Variants in SLC13A2 observed in about 807,000 individuals in gnomAD.
SLC13A2 encodes solute carrier family 13 member 2, also known as Na(+)-coupled citrate transporter.
Under a neutral mutation model 58.5 loss-of-function variants are expected in SLC13A2, and 40 were observed. That is an observed-to-expected ratio of 0.68 (90% CI 0.53 to 0.89). The LOEUF (loss-of-function observed/expected upper bound fraction) is 0.89, where lower values mean the gene tolerates loss of function less well. Ranked by LOEUF, SLC13A2 falls within the 40% of genes least tolerant of loss-of-function variation. SLC13A2 has a pLI of 0.00. For missense variants in SLC13A2, 694 were observed against 772.6 expected, an observed-to-expected ratio of 0.90 and a Z score of 1.21; for synonymous variants, 341 against 331.6, an observed-to-expected ratio of 1.03 and a Z score of -0.31.
rs1477894040 is a variant in SLC13A2 at position 28,497,489 on chromosome 17, C to T, written c.*220C>T. 2.3e-5 allele frequency: 13 copies of T among 569,706 alleles called. No homozygotes were observed. Among genetic ancestry groups the T allele is most frequent in the African/African-American group, 7.5e-5 (4 of 53,680 alleles). The allele number at this position is 569,706 out of a possible 1,614,324, so 35.3% of individuals were successfully genotyped here. The stretch of plus-strand genomic sequence containing the variant: ...GCATGTGTGTGTGCGCATATGTGTG[C>T]GCCTGCATGGATGTGAGGGGTGTGT... On this transcript the variant is annotated 3_prime_UTR_variant, in exon 12 of 12. Transcript: ENST00000314669.
chr17:28,486,942 T>G (rs2068893457), intron 1 of SLC13A2, among the ~76,000 whole-genome samples: 1 of 151,990 alleles, frequency 6.6e-6, no homozygotes, highest in Non-Finnish European at 1.5e-5. Flanking sequence ...GGACTACAGG[T>G]GCTCACCACC....
rs1555604833 is a variant in SLC13A2, at chr17:28,497,309, C to G, written c.*40C>G. 6.3e-7 allele frequency: 1 copy of G among 1,583,756 alleles called. No homozygotes were observed. Among genetic ancestry groups the G allele is most frequent in the East Asian group, 2.2e-5 (1 of 44,448 alleles). ...TGGCCATGCCCAGGAAGACCCACCC[C>G]ATTCCCACTCCTCTGAGCCCGGAGG... On this transcript the variant is annotated 3_prime_UTR_variant, in exon 12 of 12. Transcript: ENST00000314669.
At chr17:28,486,791 CTTTTTTT>C (rs35840529) in intron 1 of SLC13A2, among the ~76,000 whole-genome samples, 4 of 131,194 alleles carry the variant, frequency 3.0e-5, no homozygotes, top group Non-Finnish European at 6.5e-5. Context: ...GCGAGTCTGA[CTTTTTTT>C]TTTTTTTTTT....
chr17:28,474,451 C>G (rs1391154308), intron 1 of SLC13A2, among the ~76,000 whole-genome samples: 1 of 152,032 alleles, frequency 6.6e-6, no homozygotes, highest in African/African-American at 2.4e-5. Context: ...CAGCAGAAGT[C>G]ATAACTTCAT....
chr17:28,493,486 C>CATTAAAAA, intron 6 of SLC13A2, 85 bp from the exon 7 acceptor site: 5 of 1,178,462 alleles, frequency 4.2e-6, no homozygotes, highest in Admixed American at 2.8e-5. Flanking sequence ...CTGTGGGCCT[C>CATTAAAAA]AGCCTTTAGA....
At chr17:28,485,313 A>G (rs1330291840) in intron 1 of SLC13A2, among the ~76,000 whole-genome samples, 1 of 152,200 alleles carries the variant, frequency 6.6e-6, no homozygotes, top group Admixed American at 6.5e-5. Flanking sequence ...AGTCCTGGGG[A>G]GCAGCCAGTG....
chr17:28,491,699 T>C, intron 5 of SLC13A2, 31 bp from the exon 6 acceptor site: 2 of 1,612,078 alleles, frequency 1.2e-6, no homozygotes, highest in Non-Finnish European at 1.7e-6. Flanking sequence ...CTCGGGGCAA[T>C]GTCACACGGC....
chr17:28,474,460 ATC>A (rs781795660), intron 1 of SLC13A2, among the ~76,000 whole-genome samples: 14 of 152,112 alleles, frequency 9.2e-5, no homozygotes, highest in Middle Eastern at 3.4e-3. Context: ...TCATAACTTC[ATC>A]TCTCATTAAA....
intron 1 of SLC13A2, among the ~76,000 whole-genome samples, chr17:28,477,457 G>T (rs2068705565): frequency 6.6e-6 from 1 of 151,788 alleles, no homozygotes; most frequent in Non-Finnish European, 1.5e-5. Context: ...GCCTCCCAAA[G>T]TGCTGGGATT....
Position 28,494,613 on chromosome 17 carries a change from C to T in SLC13A2, c.1308+101C>T, listed in dbSNP as rs183205381. ...GTCCCACAGAGGGGAGACCTGGTCC[C>T]CACGTAGGAGCCTCTCGGGTAGGCA... On this transcript the variant is annotated intron_variant, in intron 9 of 11. Transcript: ENST00000314669. The surrounding 1 kb of genome is among the most constrained non-coding windows in gnomAD (Gnocchi z 4.0). 4.2e-3 allele frequency: 6,492 copies of T among 1,538,208 alleles called. 27 individuals carry two copies. The highest frequency in any genetic ancestry group is 4.4e-3 in the Non-Finnish European group (4,990 of 1,136,796).
In SLC13A2 at chr17:28,495,656, G is replaced by A. The variant is rs782053202; in HGVS notation, c.1310G>A (p.Arg437Gln). ...GGYALAKGSERSGLSEWLGNK... is the reference protein window; with the variant it reads ...GGYALAKGSEQSGLSEWLGNK... ...CATGCCATCCTCCTCTGCCCACAGCGATCGGGCCTGTCAGAGTGGCTGGGA... is the reference window on the plus strand; with the variant it reads ...CATGCCATCCTCCTCTGCCCACAGCAATCGGGCCTGTCAGAGTGGCTGGGA... The change falls in exon 10 of 12, where the codon CGA (arginine) becomes CAA (glutamine). Residue 437 changes from arginine to glutamine, a missense_variant and splice_region_variant. By Grantham distance (43) the Arg-to-Gln change is conservative. Coordinates refer to ENST00000314669, the MANE Select transcript of SLC13A2 (RefSeq NM_003984.4). 1.7e-5 allele frequency: 28 copies of A among 1,609,016 alleles called. No homozygotes were observed. The Admixed American group carries it at 2.0e-4, about 11-fold the overall frequency.
chr17:28,480,367 G>A (rs377563925), intron 1 of SLC13A2, among the ~76,000 whole-genome samples: 5 of 152,138 alleles, frequency 3.3e-5, no homozygotes, highest in South Asian at 4.1e-4. Context: ...TACTCTTAGT[G>A]CAAGCTGTTC....
In SLC13A2 at chr17:28,496,418, G is replaced by C. The variant is rs782643763; in HGVS notation, c.1471-32G>C. ...CCCCTCCCTCTGGCTTGGGGACCAA[G>C]TTCAGCTCTGCGCCACTGCCTCCCA... On this transcript the variant is annotated intron_variant, in intron 10 of 11. Coordinates refer to ENST00000314669, the MANE Select transcript of SLC13A2 (RefSeq NM_003984.4). The surrounding 1 kb of genome is among the most constrained non-coding windows in gnomAD (Gnocchi z 4.2). 1.7e-5 allele frequency: 27 copies of C among 1,573,648 alleles called. No homozygotes were observed. Among genetic ancestry groups the C allele is most frequent in the Non-Finnish European group, 2.2e-5 (25 of 1,157,024 alleles).
rs2069092060 is a variant in SLC13A2, at chr17:28,494,145, G to A, written c.1186+40G>A. The A allele has an allele frequency of 1.3e-6, 2 of 1,581,522 alleles. No individual in the cohort carries two copies. Among genetic ancestry groups the A allele is most frequent in the Non-Finnish European group, 1.7e-6 (2 of 1,150,782 alleles). ...TGGGGCAGGGAAGGGTCTCCGGGCA[G>A]CCCCTGCCTTCAAGTATGTAATGTA... On this transcript the variant is annotated intron_variant, in intron 8 of 11. Coordinates refer to ENST00000314669, the MANE Select transcript of SLC13A2 (RefSeq NM_003984.4). This position sits in a 1 kb window ranked among gnomAD's most constrained non-coding sequence, Gnocchi z 4.0.
chr17:28,490,884 C>G lies in SLC13A2; in HGVS notation c.552C>G (p.Pro184=). ...NPTFELQEPS[P]QKEVTKLDNG... ...CCTTCGAGCTCCAGGAACCAAGTCCCCAGAAGGAGGTGACCAAGCTTGGTG... is the reference window on the plus strand; with the variant it reads ...CCTTCGAGCTCCAGGAACCAAGTCCGCAGAAGGAGGTGACCAAGCTTGGTG... Residue 184 remains proline (P), a synonymous_variant, in exon 4 of 12, where the codon CCC becomes CCG. Coordinates refer to ENST00000314669, the MANE Select transcript of SLC13A2 (RefSeq NM_003984.4). The G allele has an allele frequency of 6.2e-7, 1 of 1,613,874 alleles. No homozygotes were observed. The highest frequency in any genetic ancestry group is 8.5e-7 in the Non-Finnish European group (1 of 1,179,936).
At chr17:28,488,907 C>A (rs1389233899) in intron 1 of SLC13A2, among the ~76,000 whole-genome samples, 1 of 152,216 alleles carries the variant, frequency 6.6e-6, no homozygotes, top group African/African-American at 2.4e-5. Flanking sequence ...ATCTTGGGAT[C>A]CTCAGCTGGG....
chr17:28,486,526 G>A (rs1023290468), intron 1 of SLC13A2, among the ~76,000 whole-genome samples: 13 of 152,176 alleles, frequency 8.5e-5, no homozygotes, highest in African/African-American at 2.7e-4. Flanking sequence ...AAGCCACCCG[G>A]GGTTAATGAA....
chr17:28,496,388 C>T lies in SLC13A2; in HGVS notation c.1471-62C>T, dbSNP rs200202343. 5.9e-5 allele frequency: 90 copies of T among 1,533,930 alleles called. No homozygotes were observed. The highest frequency in any genetic ancestry group is 7.4e-5 in the Non-Finnish European group (84 of 1,136,674). ...CCCAGAGAAGCAGGAGAATTGGGGG[C>T]CATGCCCCTCCCTCTGGCTTGGGGA... is the stretch of plus-strand genomic sequence containing the variant. On this transcript the variant is annotated intron_variant, in intron 10 of 11. Transcript: ENST00000314669. This position sits in a 1 kb window ranked among gnomAD's most constrained non-coding sequence, Gnocchi z 4.2.
intron 6 of SLC13A2, among the ~76,000 whole-genome samples, chr17:28,492,633 AC>A (rs2151461133): frequency 6.6e-6 from 1 of 152,354 alleles, no homozygotes; most frequent in African/African-American, 2.4e-5. Flanking sequence ...CTTGTGTGCC[AC>A]CTAATGAAGC....
Sources: allele counts gnomAD v4.1 joint callset (sites outside exome capture counted in the v4.1 genomes callset), GRCh38; gene constraint gnomAD v4.1.1; non-coding constraint Gnocchi (gnomAD v3.1); transcripts MANE v1.5; gene names NCBI Gene and HGNC (gene_info 2026-07-23, HGNC 2026-07-21).